FHOD3: variants seen among roughly 807,000 people sequenced by gnomAD.
FHOD3 encodes FH1/FH2 domain-containing protein 3.
In FHOD3, 90 loss-of-function variants were observed where a neutral mutation model predicts 173.0. The ratio of observed to expected loss-of-function variants is 0.52; its 90% confidence interval spans 0.44 to 0.62. The LOEUF is 0.62. Among genes scored for constraint, FHOD3 ranks in the 20% least tolerant of loss-of-function variants. The probability of loss-of-function intolerance (pLI) is 0.00; values close to 1 mark genes in which losing one functional copy is unlikely to be tolerated. For synonymous variants in FHOD3, 828 were observed against 823.0 expected (o/e 1.01, Z -0.10); for missense variants, 1,945 against 2,034.7 (o/e 0.96, Z 0.85).
intron 21 of FHOD3, among the ~76,000 whole-genome samples, chr18:36,741,699 A>T (rs2041910261): frequency 6.6e-6 from 1 of 152,064 alleles, no homozygotes. Flanking sequence ...TGGGGCCAGG[A>T]GTTCAAGGCT....
intron 19 of FHOD3, among the ~76,000 whole-genome samples, chr18:36,720,721 TTCCTC>T (rs1568670398): frequency 3.1e-5 from 4 of 130,312 alleles, no homozygotes; most frequent in East Asian, 2.3e-4. Flanking sequence ...CCTCCTTCTC[TTCCTC>T]CTTCTTCTTC....
chr18:36,779,253 C>T (rs375251324), intron 28 of FHOD3, 195 bp from the exon 29 acceptor site: 7 of 583,164 alleles, frequency 1.2e-5, no homozygotes, highest in East Asian at 5.6e-5. Flanking sequence ...GCCTGTGTAG[C>T]CCCAAACTTT....
At chr18:36,436,339 C>T (rs933416740) in intron 3 of FHOD3, among the ~76,000 whole-genome samples, 1 of 151,992 alleles carries the variant, frequency 6.6e-6, no homozygotes, top group Non-Finnish European at 1.5e-5. Flanking sequence ...TTTAAAAAAT[C>T]TGGGATATTT....
At position 36,718,184 on chromosome 18, in the gene FHOD3, C is replaced by G; in HGVS notation, c.2886C>G (p.Asp962Glu). ...TCTCCCCTGATGCTGAGCCCAATGACAAGGTCCCAGAAACAGCGCCGGTGC... is the reference window on the plus strand; with the variant it reads ...TCTCCCCTGATGCTGAGCCCAATGAGAAGGTCCCAGAAACAGCGCCGGTGC... ...GSISPDAEPNDKVPETAPVQP... is the reference protein window; with the variant it reads ...GSISPDAEPNEKVPETAPVQP... The change falls in exon 19 of 29, where the codon GAC (aspartate) becomes GAG (glutamate). Residue 962 changes from aspartate to glutamate, a missense_variant. Asp to Glu is a conservative substitution (Grantham distance 45, BLOSUM62 2). Transcript: ENST00000590592. The G allele has an allele frequency of 6.2e-7, 1 of 1,613,254 alleles. No individual in the cohort carries two copies. Among genetic ancestry groups the G allele is most frequent in the Non-Finnish European group, 8.5e-7 (1 of 1,179,568 alleles).
intron 28 of FHOD3, among the ~76,000 whole-genome samples, chr18:36,776,401 C>T (rs1295638438): frequency 6.6e-6 from 1 of 152,082 alleles, no homozygotes; most frequent in East Asian, 1.9e-4. Context: ...GACCAAACAC[C>T]CAAAGGGGCT....
intron 3 of FHOD3, among the ~76,000 whole-genome samples, chr18:36,398,934 C>T (rs73949471): frequency 0.049 from 7,416 of 152,012 alleles, 607 homozygotes; most frequent in African/African-American, 0.17. Context: ...GGCTGGGATC[C>T]CCTGTCTTTT....
intron 5 of FHOD3, among the ~76,000 whole-genome samples, chr18:36,567,843 G>A (rs563674405): frequency 1.1e-4 from 17 of 152,168 alleles, no homozygotes; most frequent in Admixed American, 1.0e-3. Context: ...GTAATCCCAT[G>A]GTGAGAACAG....
chr18:36,673,898 A>G (rs1031891174), intron 14 of FHOD3, among the ~76,000 whole-genome samples: 20 of 152,134 alleles, frequency 1.3e-4, no homozygotes, highest in African/African-American at 4.6e-4. Context: ...TCCCTCTGAT[A>G]TATATATTTT....
chr18:36,681,029 T>C (rs1380971556), intron 14 of FHOD3, among the ~76,000 whole-genome samples: 2 of 152,184 alleles, frequency 1.3e-5, no homozygotes, highest in Non-Finnish European at 2.9e-5. Flanking sequence ...AAATAATGAA[T>C]GTATTACCTG....
In FHOD3 at chr18:36,304,323, C is replaced by G. The variant is rs2092034861; in HGVS notation, c.165+6323C>G. ...CCAGATAAGAGACAAGTAGGTGAGTCAATATATGGATGGAACAGGATAGAC... is the reference window on the plus strand; with the variant it reads ...CCAGATAAGAGACAAGTAGGTGAGTGAATATATGGATGGAACAGGATAGAC... On this transcript the variant is annotated intron_variant, in intron 1 of 28. Coordinates refer to ENST00000590592, the MANE Select transcript of FHOD3 (RefSeq NM_001281740.3). Among the ~76,000 whole-genome samples, 2 of 152,016 alleles carry G rather than the reference C, an allele frequency of 1.3e-5. 1 individual carries two copies. Among genetic ancestry groups the G allele is most frequent in the South Asian group, 4.2e-4 (2 of 4,812 alleles).
chr18:36,642,930 C>A (rs984463972), intron 10 of FHOD3, among the ~76,000 whole-genome samples: 1 of 150,900 alleles, frequency 6.6e-6, no homozygotes, highest in African/African-American at 2.4e-5. Context: ...CTTCAATGGA[C>A]GTATTTTTTA....
intron 3 of FHOD3, among the ~76,000 whole-genome samples, chr18:36,479,899 C>A (rs1275014415): frequency 6.6e-6 from 1 of 152,150 alleles, no homozygotes; most frequent in Non-Finnish European, 1.5e-5. Flanking sequence ...ACCTATTCTT[C>A]CCACAGTTCT....
intron 16 of FHOD3, among the ~76,000 whole-genome samples, chr18:36,690,732 T>TAA (rs11393054): frequency 8.0e-4 from 120 of 150,092 alleles, no homozygotes; most frequent in African/African-American, 2.3e-3. Flanking sequence ...CCCCGCCATA[T>TAA]AAAAAAAAAA....
intron 3 of FHOD3, among the ~76,000 whole-genome samples, chr18:36,469,557 A>G (rs1057415558): frequency 1.1e-4 from 17 of 152,316 alleles, no homozygotes; most frequent in Non-Finnish European, 2.2e-4. Flanking sequence ...TGTTTAGGAC[A>G]TGAAAACCCA....
At chr18:36,537,685 G>A (rs567718732) in intron 5 of FHOD3, among the ~76,000 whole-genome samples, 1 of 152,294 alleles carries the variant, frequency 6.6e-6, no homozygotes, top group Non-Finnish European at 1.5e-5. Flanking sequence ...AAACAACAGA[G>A]CTGCAAAATA....
At chr18:36,482,277 A>G (rs2053941648) in intron 3 of FHOD3, among the ~76,000 whole-genome samples, 1 of 152,222 alleles carries the variant, frequency 6.6e-6, no homozygotes. Context: ...AGTAAAATAC[A>G]TAGTGTGATA....
chr18:36,569,310 A>T (rs751762236), intron 5 of FHOD3, among the ~76,000 whole-genome samples: 4 of 152,206 alleles, frequency 2.6e-5, no homozygotes, highest in Non-Finnish European at 4.4e-5. Context: ...TAATCAAAAG[A>T]AGGTGAAGTG....
chr18:36,747,020 G>A lies in FHOD3; in HGVS notation c.4117G>A (p.Ala1373Thr). 6.2e-7 allele frequency: 1 copy of A among 1,614,024 alleles called. No individual in the cohort carries two copies. Reference protein sequence around the residue: ...RCKASWDHLKAIAKHEMKPVL... With the variant: ...RCKASWDHLKTIAKHEMKPVL... ...CAAAGCTTCATGGGATCACCTCAAG[G>A]CAATTGCAAAACATGAAATGAAACC... The change falls in exon 24 of 29, where the codon GCA (alanine) becomes ACA (threonine). Residue 1373 changes from alanine (A) to threonine (T), a missense_variant. This residue lies in a region of FHOD3 where 354 missense variants were observed against 359.9 expected (regional missense o/e 0.98). Coordinates refer to ENST00000590592, the MANE Select transcript of FHOD3 (RefSeq NM_001281740.3).
intron 27 of FHOD3, 99 bp downstream of exon 27, chr18:36,760,881 G>A (rs1208579393): frequency 2.1e-5 from 27 of 1,310,890 alleles, no homozygotes; most frequent in African/African-American, 4.5e-5. Flanking sequence ...GCTGTGACTG[G>A]CCCTCGGCTC....
Sources: allele counts gnomAD v4.1 joint callset (sites outside exome capture counted in the v4.1 genomes callset), GRCh38; gene constraint gnomAD v4.1.1; regional missense constraint gnomAD v4.1.1; transcripts MANE v1.5; gene names NCBI Gene and HGNC (gene_info 2026-07-23, HGNC 2026-07-21).